Variants in VPS50 observed in about 807,000 individuals in gnomAD.
The protein encoded by VPS50 is VPS50 subunit of EARP/GARPII complex.
A neutral mutation model predicts 139.7 loss-of-function variants in VPS50; 70 were observed. That is an observed-to-expected ratio of 0.50 (90% CI 0.41 to 0.61). The LOEUF (loss-of-function observed/expected upper bound fraction) is 0.61. Among genes scored for constraint, VPS50 ranks in the 20% least tolerant of loss-of-function variants. The pLI is 0.00. For synonymous variants in VPS50, 365 were observed against 376.7 expected (o/e 0.97, Z 0.36); for missense variants, 921 against 1,133.7 (o/e 0.81, Z 2.69).
At chr7:93,321,133 AG>A (rs1797602487) in intron 20 of VPS50, 1 of 152,248 alleles carries the variant, frequency 6.6e-6, no homozygotes, top group African/African-American at 2.4e-5. Context: ...TTGAAACAGA[AG>A]ACAGCAGAGC....
intron 20 of VPS50, among the ~76,000 whole-genome samples, chr7:93,319,288 T>G (rs1002965826): frequency 2.6e-5 from 4 of 152,202 alleles, no homozygotes; most frequent in Non-Finnish European, 5.9e-5. Context: ...TCTCTGTGTC[T>G]CCCACTGATG....
At chr7:93,282,949 AAATT>A (rs1482397903) in intron 12 of VPS50, among the ~76,000 whole-genome samples, 3 of 152,222 alleles carry the variant, frequency 2.0e-5, no homozygotes, top group Non-Finnish European at 4.4e-5. Flanking sequence ...AATGATTTCT[AAATT>A]AAGTAGGTTT....
rs1797997804 is a variant in VPS50 at position 93,333,768 on chromosome 7, C to T, written c.1978-349C>T. ...TTGTTATGCTGCCACATGAACACAG[C>T]ACAGCATACCTTACATACAACAGAG... is the stretch of plus-strand genomic sequence containing the variant. On this transcript the variant is annotated intron_variant, in intron 21 of 27. Transcript: ENST00000305866. 3 of 233,630 alleles carry T rather than the reference C, an allele frequency of 1.3e-5. No homozygotes were observed. The South Asian group carries it at 1.8e-4, about 14-fold the overall frequency. 14.5% of individuals were successfully genotyped at this position (233,630 alleles called of 1,614,324 possible). A position where few individuals can be genotyped will look rare whatever the true frequency, so the allele number is the denominator to read the frequency against.
chr7:93,336,797 C>CCACT (rs1798080345), intron 22 of VPS50, among the ~76,000 whole-genome samples: 1 of 152,066 alleles, frequency 6.6e-6, no homozygotes, highest in African/African-American at 2.4e-5. Flanking sequence ...CAGGCATGAG[C>CCACT]CACTGCACCT....
chr7:93,338,909 C>T (rs1442757899), intron 22 of VPS50, among the ~76,000 whole-genome samples: 2 of 152,134 alleles, frequency 1.3e-5, no homozygotes, highest in Non-Finnish European at 2.9e-5. Context: ...GCTAAGGAGC[C>T]TGTGACCTGT....
intron 14 of VPS50, 90 bp downstream of exon 14, chr7:93,294,726 T>A: frequency 1.1e-6 from 1 of 948,174 alleles, no homozygotes; most frequent in South Asian, 1.9e-5. Context: ...TTTCTATATA[T>A]GTATTCTTTG....
intron 25 of VPS50, among the ~76,000 whole-genome samples, chr7:93,352,349 T>G (rs775785440): frequency 2.0e-5 from 3 of 152,210 alleles, no homozygotes; most frequent in Middle Eastern, 3.2e-3. Flanking sequence ...AAAGGTAAAT[T>G]TTGTGAATTG....
At chr7:93,294,413 T>TTGTATAAA (rs1796742182) in intron 13 of VPS50, 132 bp from the exon 14 acceptor site, 2 of 761,114 alleles carry the variant, frequency 2.6e-6, no homozygotes, top group Non-Finnish European at 3.9e-6. Flanking sequence ...ATTGTTTTGA[T>TTGTATAAA]TGTATAAATA....
intron 9 of VPS50, among the ~76,000 whole-genome samples, chr7:93,261,222 G>A (rs957690527): frequency 1.3e-5 from 2 of 152,140 alleles, no homozygotes; most frequent in African/African-American, 4.8e-5. Flanking sequence ...AGCTTATTGG[G>A]TGAAAATAAT....
At chr7:93,259,715 A>C (rs1246041662) in intron 9 of VPS50, 83 bp downstream of exon 9, 1 of 721,892 alleles carries the variant, frequency 1.4e-6, no homozygotes, top group Non-Finnish European at 2.5e-6. Flanking sequence ...ATAAACATTG[A>C]AAATTAGTAT....
intron 12 of VPS50, among the ~76,000 whole-genome samples, chr7:93,280,840 T>C (rs183222521): frequency 6.6e-6 from 1 of 152,234 alleles, no homozygotes; most frequent in Non-Finnish European, 1.5e-5. Flanking sequence ...GTTCTGTTTT[T>C]ATGATGAATT....
intron 3 of VPS50, 90 bp from the exon 4 acceptor site, chr7:93,253,770 T>G: frequency 1.4e-6 from 1 of 697,830 alleles, no homozygotes; most frequent in Non-Finnish European, 2.5e-6. Context: ...TATGCACAGT[T>G]TGTAGTTCAC....
chr7:93,271,173 AGTTT>A, intron 9 of VPS50, 43 bp from the exon 10 acceptor site: 1 of 1,548,450 alleles, frequency 6.5e-7, no homozygotes, highest in Non-Finnish European at 8.7e-7. Context: ...TTTAGCACTT[AGTTT>A]GTCTCAGAAA....
rs111268530 is a variant in VPS50, at chr7:93,332,350, C to G, written c.1978-1767C>G. On this transcript the variant is annotated intron_variant, in intron 21 of 27. Transcript: ENST00000305866. ...TATAATGGCACTAATCCCATCATAC[C>G]AGGGACCCACCCTCATGACCTCAGC... is the stretch of plus-strand genomic sequence containing the variant. 5.9e-3 allele frequency among the ~76,000 whole-genome samples: 897 copies of G among 152,264 alleles called. 11 individuals are homozygous for G. Among genetic ancestry groups the G allele is most frequent in the African/African-American group, 0.021 (866 of 41,556 alleles).
chr7:93,258,460 C>A, intron 8 of VPS50, 68 bp downstream of exon 8: 1 of 1,196,972 alleles, frequency 8.4e-7, no homozygotes, highest in South Asian at 1.3e-5. Flanking sequence ...AGACAAAATT[C>A]AGAAGTGCAT....
intron 9 of VPS50, among the ~76,000 whole-genome samples, chr7:93,262,786 A>G (rs929878673): frequency 1.3e-4 from 20 of 152,194 alleles, no homozygotes; most frequent in African/African-American, 4.8e-4. Flanking sequence ...ATACCAGCAC[A>G]GTATCCTTTG....
rs767959681 is a variant in VPS50 at position 93,259,593 on chromosome 7, A to G, written c.620A>G (p.Gln207Arg). The G allele has an allele frequency of 5.6e-6, 9 of 1,603,260 alleles. No homozygotes were observed. Among genetic ancestry groups the G allele is most frequent in the Non-Finnish European group, 7.7e-6 (9 of 1,170,680 alleles). The part of the protein sequence containing the change: ...PGAIQLCLEC[Q>R]KAASTFKHYS... ...GCTATTCAGTTGTGCCTTGAATGTCAAAAAGCTGCCAGCACTTTTAAACAT... is the reference window on the plus strand; with the variant it reads ...GCTATTCAGTTGTGCCTTGAATGTCGAAAAGCTGCCAGCACTTTTAAACAT... The change falls in exon 9 of 28, where the codon CAA (glutamine) becomes CGA (arginine). Residue 207 changes from glutamine (Q) to arginine (R), a missense_variant. Gln to Arg is a conservative substitution (Grantham distance 43). Coordinates refer to ENST00000305866, the MANE Select transcript of VPS50 (RefSeq NM_017667.4).
intron 12 of VPS50, chr7:93,276,562 C>T (rs1796160474): frequency 4.8e-6 from 2 of 416,636 alleles, no homozygotes; most frequent in Non-Finnish European, 8.0e-6. Context: ...CTTCTTTTAC[C>T]CATCTCTCTC....
In VPS50 at chr7:93,307,792, A is replaced by G. The variant is rs74923543; in HGVS notation, c.1630-1032A>G. 5.8e-3 allele frequency among the ~76,000 whole-genome samples: 882 copies of G among 152,000 alleles called. 10 individuals carry two copies. Among genetic ancestry groups the G allele is most frequent in the African/African-American group, 0.02 (836 of 41,512 alleles). On this transcript the variant is annotated intron_variant, in intron 18 of 27. Transcript: ENST00000305866. ...CCTGTAAGGCTTGTTTGCAGTTATT[A>G]ATGTGTGATCTGATCTTTCCAGGTG...
Sources: allele counts gnomAD v4.1 joint callset (sites outside exome capture counted in the v4.1 genomes callset), GRCh38; gene constraint gnomAD v4.1.1; transcripts MANE v1.5; gene names NCBI Gene and HGNC (gene_info 2026-07-23, HGNC 2026-07-21).